The following MATR3 variants were observed in gnomAD, a reference collection of about 807,000 sequenced individuals.
MATR3 encodes the protein matrin 3.
In MATR3, 4 loss-of-function variants were observed where a neutral mutation model predicts 85.5. That is an observed-to-expected ratio of 0.05 (90% CI 0.02 to 0.11). The LOEUF (loss-of-function observed/expected upper bound fraction) is 0.11, where lower values mean the gene tolerates loss of function less well. Ranked by LOEUF, MATR3 falls within the 10% of genes least tolerant of loss-of-function variation. MATR3 has a pLI of 1.00. For synonymous variants in MATR3, 336 were observed against 343.1 expected (o/e 0.98, Z 0.23); for missense variants, 685 against 1,016.1 (o/e 0.67, Z 4.43).
At chr5:139,319,545 T>A (rs770387440) in intron 9 of MATR3, 44 bp downstream of exon 9, 4 of 1,557,520 alleles carry the variant, frequency 2.6e-6, no homozygotes, top group Non-Finnish European at 3.5e-6. Context: ...TTTATTAAAA[T>A]CCTTAAGATT....
chr5:139,328,063 A>C (rs866284768), intron 14 of MATR3, among the ~76,000 whole-genome samples: 3 of 151,002 alleles, frequency 2.0e-5, no homozygotes, highest in South Asian at 4.2e-4. Context: ...GGGTTTCACC[A>C]TGTTAGCCAG....
intron 2 of MATR3, 92 bp from the exon 3 acceptor site, chr5:139,314,583 T>G: frequency 1.0e-6 from 1 of 980,600 alleles, no homozygotes; most frequent in Non-Finnish European, 1.6e-6. Context: ...CCTATGATAC[T>G]GCATAGACAT....
intron 3 of MATR3, 133 bp downstream of exon 3, chr5:139,314,869 C>T (rs574865271): frequency 7.9e-6 from 6 of 757,764 alleles, no homozygotes; most frequent in Admixed American, 6.4e-5. Context: ...ATGGACAATA[C>T]TATTTACAAG....
At position 139,307,289 on chromosome 5, in the gene MATR3, C is replaced by G. The variant is rs1754757693; in HGVS notation, c.-127C>G. On this transcript the variant is annotated 5_prime_UTR_variant, in exon 2 of 15. It adds an upstream start codon to the 5' untranslated region. Coordinates refer to ENST00000394805, the MANE Select transcript of MATR3 (RefSeq NM_018834.6). The surrounding 1 kb of genome is among the most constrained non-coding windows in gnomAD (Gnocchi z 4.4). The stretch of plus-strand genomic sequence containing the variant: ...AGAAGATTCTGCAGTCCTTATTGAT[C>G]CTTTTTCTTGGCGTTACCATTTTTG... 1 of 1,420,254 alleles carries G rather than the reference C, an allele frequency of 7.0e-7. No homozygotes were observed. The highest frequency in any genetic ancestry group is 1.5e-5 in the African/African-American group (1 of 67,678). 88.0% of individuals were successfully genotyped at this position (1,420,254 alleles called of 1,614,324 possible).
At chr5:139,327,408 A>G (rs899178085) in intron 14 of MATR3, among the ~76,000 whole-genome samples, 16 of 151,816 alleles carry the variant, frequency 1.1e-4, no homozygotes, top group Admixed American at 2.0e-4. Flanking sequence ...GGTAGCAGCA[A>G]TGTAGTACAA....
chr5:139,303,586 T>C (rs914884133), intron 1 of MATR3, among the ~76,000 whole-genome samples: 1 of 152,000 alleles, frequency 6.6e-6, no homozygotes, highest in Admixed American at 6.5e-5. Flanking sequence ...CAATGAAAAC[T>C]AGCCGAGCAT....
exon 1 of MATR3, chr5:139,274,103 C>T (rs528423148): frequency 6.7e-6 from 3 of 450,854 alleles, no homozygotes; most frequent in Middle Eastern, 7.1e-4. Context: ...CCCGGCTGCC[C>T]TTTCCCCTCC....
chr5:139,320,644 CTTTT>C (rs1561941308), intron 9 of MATR3, among the ~76,000 whole-genome samples: 1 of 147,572 alleles, frequency 6.8e-6, no homozygotes, highest in East Asian at 2.0e-4. Context: ...TTTTGTTTTT[CTTTT>C]TTTGTTTTAA....
chr5:139,300,960 C>A (rs1376364940), intron 1 of MATR3, among the ~76,000 whole-genome samples: 1 of 151,472 alleles, frequency 6.6e-6, no homozygotes, highest in Non-Finnish European at 1.5e-5. Context: ...ATTACAGGCG[C>A]CTGCCACCAC....
chr5:139,277,466 C>T (rs1753328540), intron 2 of MATR3, among the ~76,000 whole-genome samples: 2 of 152,156 alleles, frequency 1.3e-5, no homozygotes, highest in South Asian at 4.1e-4. Context: ...ATAGGATTCT[C>T]TCAACTAAAT....
chr5:139,316,116 C>T lies in MATR3; in HGVS notation c.1057C>T (p.Pro353Ser). 1 of 1,613,806 alleles carries T rather than the reference C, an allele frequency of 6.2e-7. No individual in the cohort carries two copies. The highest frequency in any genetic ancestry group is 1.1e-5 in the South Asian group (1 of 91,066). The change falls in exon 5 of 15, where the codon CCA (proline) becomes TCA (serine). Residue 353 changes from proline to serine, a missense_variant. By Grantham distance (74) the Pro-to-Ser change is moderately conservative (BLOSUM62 -1). This residue lies in a region of MATR3 where 223 missense variants were observed against 334.4 expected (regional missense o/e 0.67). Transcript: ENST00000394805. ...GTTGCAGCAGTCTACAAATCCAGCA[C>T]CAGGAATTCTGGGACCTCCACCTCC... is the stretch of plus-strand genomic sequence containing the variant. ...FMLQQSTNPA[P>S]GILGPPPPSF...
At position 139,297,087 on chromosome 5, in the gene MATR3, G is replaced by A. The variant is rs113278225; in HGVS notation, c.-178+3282G>A. On this transcript the variant is annotated intron_variant, in intron 1 of 14. Coordinates refer to ENST00000394805, the MANE Select transcript of MATR3 (RefSeq NM_018834.6). ...AGCTACTTGGGAGGGTGAGGGAGGA[G>A]AAATCACTTGAACCCAGGAGGCGGA... is the stretch of plus-strand genomic sequence containing the variant. Among the ~76,000 whole-genome samples the A allele has an allele frequency of 6.7e-3, 1,019 of 152,276 alleles. 7 individuals are homozygous for A. The highest frequency in any genetic ancestry group is 0.023 in the African/African-American group (959 of 41,556).
intron 12 of MATR3, among the ~76,000 whole-genome samples, chr5:139,324,233 C>G (rs865891224): frequency 6.7e-6 from 1 of 149,942 alleles, no homozygotes; most frequent in African/African-American, 2.4e-5. Flanking sequence ...TCCCATACTG[C>G]TTATAAGACA....
At chr5:139,314,762 C>T in intron 3 of MATR3, 26 bp downstream of exon 3, 2 of 1,602,596 alleles carry the variant, frequency 1.2e-6, no homozygotes, top group South Asian at 1.1e-5. Flanking sequence ...ACCTTTAAAA[C>T]ATCCTTATCG....
At chr5:139,283,252 TGA>T (rs1753595998) in intron 3 of MATR3, 1 of 152,292 alleles carries the variant, frequency 6.6e-6, no homozygotes, top group African/African-American at 2.4e-5. Flanking sequence ...AAAGAGCCTC[TGA>T]GTTAGAATCT....
intron 9 of MATR3, among the ~76,000 whole-genome samples, chr5:139,319,948 C>CTT (rs201546262): frequency 0.024 from 1,046 of 43,618 alleles, 17 homozygotes; most frequent in African/African-American, 0.074. Flanking sequence ...CTTTTCTTTT[C>CTT]TTTTTTTTTT....
intron 2 of MATR3, chr5:139,314,059 G>A (rs1435109186): frequency 6.5e-6 from 1 of 154,560 alleles, no homozygotes; most frequent in Admixed American, 6.4e-5. Context: ...TGGGACTACA[G>A]GCGTGTGCCA....
At chr5:139,301,814 G>C (rs1754461034) in intron 1 of MATR3, among the ~76,000 whole-genome samples, 1 of 152,152 alleles carries the variant, frequency 6.6e-6, no homozygotes, top group South Asian at 2.1e-4. Flanking sequence ...CCTGATTGAA[G>C]GTCACTGGGA....
chr5:139,289,467 T>C (rs1222497596), upstream of MATR3, among the ~76,000 whole-genome samples: 1 of 152,192 alleles, frequency 6.6e-6, no homozygotes, highest in African/African-American at 2.4e-5. Context: ...AAAAAATACA[T>C]AAATATATAA....
Sources: allele counts gnomAD v4.1 joint callset (sites outside exome capture counted in the v4.1 genomes callset), GRCh38; gene constraint gnomAD v4.1.1; regional missense constraint gnomAD v4.1.1; non-coding constraint Gnocchi (gnomAD v3.1); transcripts MANE v1.5; gene names NCBI Gene and HGNC (gene_info 2026-07-23, HGNC 2026-07-21).